Variants in CDC42EP5 observed in about 807,000 individuals in gnomAD.
CDC42EP5 encodes the protein CDC42 effector protein (Rho GTPase binding) 5.
For missense variants in CDC42EP5, 269 were observed against 238.0 expected, an observed-to-expected ratio of 1.13 and a Z score of -0.86; for synonymous variants, 118 against 123.3, an observed-to-expected ratio of 0.96 and a Z score of 0.28.
At position 54,465,354 on chromosome 19, in the gene CDC42EP5, G is replaced by A. The variant is rs1272198294; in HGVS notation, c.194C>T (p.Ala65Val). 13 of 1,156,390 alleles carry A rather than the reference G, an allele frequency of 1.1e-5. No homozygotes were observed. The highest frequency in any genetic ancestry group is 3.5e-4 in the Middle Eastern group (1 of 2,828). 71.6% of individuals were successfully genotyped at this position (1,156,390 alleles called of 1,614,324 possible). ...GPPPEPRAPP[A>V]GAPRSPPPPA... ...CGGCGGCGGGGAGCGCGGGGCCCCCGCGGGGGGCGCCCGGGGCTCGGGGGG... is the reference window on the plus strand; with the variant it reads ...CGGCGGCGGGGAGCGCGGGGCCCCCACGGGGGGCGCCCGGGGCTCGGGGGG... Residue 65 changes from alanine to valine, a missense_variant, in exon 3 of 3, where the codon GCG becomes GTG. Physicochemically the swap from Ala to Val is moderately conservative, Grantham distance 64. Transcript: ENST00000301200.
Position 54,465,561 on chromosome 19 carries a change from G to A in CDC42EP5, c.1-14C>T, listed in dbSNP as rs1452813896. On this transcript the variant is annotated splice_polypyrimidine_tract_variant and intron_variant, in intron 2 of 2. Coordinates refer to ENST00000301200, the MANE Select transcript of CDC42EP5 (RefSeq NM_145057.4). ...CAGCACGGGCATCTGCGAGGGGCAC[G>A]GGAGGGTCAGCGCGGCCCCAGCCCG... 46 of 1,497,300 alleles carry A rather than the reference G, an allele frequency of 3.1e-5. No individual in the cohort carries two copies. The highest frequency in any genetic ancestry group is 3.7e-5 in the Non-Finnish European group (42 of 1,135,734). 92.8% of individuals were successfully genotyped at this position (1,497,300 alleles called of 1,614,324 possible). A position where few individuals can be genotyped will look rare whatever the true frequency, so the allele number is the denominator to read the frequency against.
intron 1 of CDC42EP5, among the ~76,000 whole-genome samples, chr19:54,472,027 C>G (rs543459977): frequency 4.3e-5 from 2 of 46,846 alleles, no homozygotes; most frequent in African/African-American, 1.8e-4. Flanking sequence ...AGGCCCCCAG[C>G]CCCTCCTCCC....
Position 54,465,445 on chromosome 19 carries a change from G to C in CDC42EP5, c.103C>G (p.His35Asp). 6.6e-7 allele frequency: 1 copy of C among 1,511,784 alleles called. No homozygotes were observed. Among genetic ancestry groups the C allele is most frequent in the South Asian group, 1.2e-5 (1 of 81,892 alleles). The allele number at this position is 1,511,784 out of a possible 1,614,324, so 93.6% of individuals were successfully genotyped here. The change falls in exon 3 of 3, where the codon CAC (histidine) becomes GAC (aspartate). Residue 35 changes from histidine (H) to aspartate (D), a missense_variant. Transcript: ENST00000301200. ...AAGGCGTCGCCGCCGCGCCCCACGT[G>C]CAGCGTGTGCCGGAAGTCGCCGAGC... ...APLGDFRHTL[H>D]VGRGGDAFGD...
intron 2 of CDC42EP5, among the ~76,000 whole-genome samples, chr19:54,469,916 G>A (rs1330413039): frequency 2.0e-5 from 3 of 151,502 alleles, no homozygotes; most frequent in African/African-American, 7.3e-5. Flanking sequence ...TGCCCTATCC[G>A]TTGCCACCAC....
intron 2 of CDC42EP5, among the ~76,000 whole-genome samples, chr19:54,466,214 G>A (rs978157059): frequency 1.8e-4 from 27 of 152,068 alleles, no homozygotes; most frequent in East Asian, 1.6e-3. Flanking sequence ...AGGCCGAGGC[G>A]GGCGGATCGC....
At position 54,465,077 on chromosome 19, in the gene CDC42EP5, GA is replaced by G; in HGVS notation, c.*23del. The G allele has an allele frequency of 7.6e-7, 1 of 1,308,300 alleles. No individual in the cohort carries two copies. The allele number at this position is 1,308,300 out of a possible 1,614,324, so 81.0% of individuals were successfully genotyped here. A position where few individuals can be genotyped will look rare whatever the true frequency, so the allele number is the denominator to read the frequency against. On this transcript the variant is annotated 3_prime_UTR_variant, in exon 3 of 3. Coordinates refer to ENST00000301200, the MANE Select transcript of CDC42EP5 (RefSeq NM_145057.4). Reference sequence around the variant, plus strand: ...TATACAGAAGTGGGGTGCCGGGCGGGAAGGGCGCGGGGAATGAGGGAACCTA... The same window carrying G: ...TATACAGAAGTGGGGTGCCGGGCGGGAGGGCGCGGGGAATGAGGGAACCTA...
Position 54,465,326 on chromosome 19 carries a change from GGGC to G in CDC42EP5, c.219_221del (p.Pro74del). ...AGGGCGCTGCGGACTGCGGGACGGC[GGGC>G]GGCGGCGGGGAGCGCGGGGCCCCCG... On this transcript the variant is annotated inframe_deletion, in exon 3 of 3. Coordinates refer to ENST00000301200, the MANE Select transcript of CDC42EP5 (RefSeq NM_145057.4). 1 of 1,189,824 alleles carries G rather than the reference GGGC, an allele frequency of 8.4e-7. No individual in the cohort carries two copies. The highest frequency in any genetic ancestry group is 1.0e-6 in the Non-Finnish European group (1 of 961,346). 73.7% of individuals were successfully genotyped at this position (1,189,824 alleles called of 1,614,324 possible).
Position 54,465,321 on chromosome 19 carries a change from ACGGCGGGCGG to A in CDC42EP5, c.217_226del (p.Pro73SerfsTer67), listed in dbSNP as rs2084733215. ...AGGCGAGGGCGCTGCGGACTGCGGG[ACGGCGGGCGG>A]CGGCGGGGAGCGCGGGGCCCCCGCG... is the stretch of plus-strand genomic sequence containing the variant. On this transcript the variant is annotated frameshift_variant, in exon 3 of 3. Transcript: ENST00000301200. LOFTEE classifies it low-confidence loss of function (END_TRUNC). 8.3e-7 allele frequency: 1 copy of A among 1,200,260 alleles called. No homozygotes were observed. The highest frequency in any genetic ancestry group is 4.1e-5 in the South Asian group (1 of 24,252). 74.4% of individuals were successfully genotyped at this position (1,200,260 alleles called of 1,614,324 possible).
chr19:54,465,212 C>T lies in CDC42EP5; in HGVS notation c.336G>A (p.Pro112=), dbSNP rs1161113759. 2.1e-6 allele frequency: 3 copies of T among 1,439,354 alleles called. No homozygotes were observed. The highest frequency in any genetic ancestry group is 2.7e-6 in the Non-Finnish European group (3 of 1,100,132). 89.2% of individuals were successfully genotyped at this position (1,439,354 alleles called of 1,614,324 possible). A position where few individuals can be genotyped will look rare whatever the true frequency, so the allele number is the denominator to read the frequency against. ...AVLGVMDAAR[P]EAAAAKPDAE... ...CGTCGGGCTTGGCGGCAGCCGCCTC[C>T]GGGCGCGCCGCGTCCATGACGCCCA... The change falls in exon 3 of 3, where the codon CCG becomes CCA. Residue 112 remains proline (P), a synonymous_variant. Coordinates refer to ENST00000301200, the MANE Select transcript of CDC42EP5 (RefSeq NM_145057.4).
intron 2 of CDC42EP5, among the ~76,000 whole-genome samples, chr19:54,469,773 C>T (rs543746031): frequency 2.0e-4 from 30 of 152,270 alleles, no homozygotes; most frequent in South Asian, 8.3e-4. Context: ...GATCACAAAG[C>T]CAGCTCTAGG....
chr19:54,471,594 T>C lies in CDC42EP5; in HGVS notation c.-50A>G, dbSNP rs1449684255. On this transcript the variant is annotated 5_prime_UTR_variant, in exon 2 of 3. Coordinates refer to ENST00000301200, the MANE Select transcript of CDC42EP5 (RefSeq NM_145057.4). Reference sequence around the variant, plus strand: ...GGGCGCGCGCTCACGACTCCAGCTCTAGCCCGGACCCCTGGTTCCCTGGCT... The same window carrying C: ...GGGCGCGCGCTCACGACTCCAGCTCCAGCCCGGACCCCTGGTTCCCTGGCT... 6.6e-6 allele frequency: 1 copy of C among 152,122 alleles called. No homozygotes were observed. The highest frequency in any genetic ancestry group is 2.4e-5 in the African/African-American group (1 of 41,382). 9.4% of individuals were successfully genotyped at this position (152,122 alleles called of 1,614,324 possible). A position where few individuals can be genotyped will look rare whatever the true frequency, so the allele number is the denominator to read the frequency against.
rs184730759 is a variant in CDC42EP5, at chr19:54,467,274, C to T, written c.1-1727G>A. 2.1e-4 allele frequency among the ~76,000 whole-genome samples: 29 copies of T among 134,954 alleles called. No individual in the cohort carries two copies. The East Asian group carries it at 7.7e-3, about 36-fold the overall frequency. The allele number at this position is 134,954 out of a possible 152,430, so 88.5% of individuals were successfully genotyped here. A position where few individuals can be genotyped will look rare whatever the true frequency, so the allele number is the denominator to read the frequency against. On this transcript the variant is annotated intron_variant, in intron 2 of 2. Coordinates refer to ENST00000301200, the MANE Select transcript of CDC42EP5 (RefSeq NM_145057.4). ...GACCAGCCTGACCAACATGGTGAAACTCCATCTCTACTAAAAAAAAAATAC... is the reference window on the plus strand; with the variant it reads ...GACCAGCCTGACCAACATGGTGAAATTCCATCTCTACTAAAAAAAAAATAC...
At position 54,465,302 on chromosome 19, in the gene CDC42EP5, G is replaced by C. The variant is rs2084732427; in HGVS notation, c.246C>G (p.Pro82=). Residue 82 remains proline, a synonymous_variant, in exon 3 of 3, where the codon CCC becomes CCG. Coordinates refer to ENST00000301200, the MANE Select transcript of CDC42EP5 (RefSeq NM_145057.4). ...AGGACAGCAGCGGGTCGGCAGGCGA[G>C]GGCGCTGCGGACTGCGGGACGGCGG... ...PPPAVPQSAA[P]SPADPLLSFH... is the part of the protein sequence containing the mutation. 1.6e-6 allele frequency: 2 copies of C among 1,234,248 alleles called. No homozygotes were observed. The highest frequency in any genetic ancestry group is 2.0e-6 in the Non-Finnish European group (2 of 987,066). 76.5% of individuals were successfully genotyped at this position (1,234,248 alleles called of 1,614,324 possible). A position where few individuals can be genotyped will look rare whatever the true frequency, so the allele number is the denominator to read the frequency against.
intron 2 of CDC42EP5, among the ~76,000 whole-genome samples, chr19:54,468,433 T>G (rs999049598): frequency 1.6e-4 from 25 of 152,132 alleles, no homozygotes; most frequent in Non-Finnish European, 2.8e-4. Flanking sequence ...CTCTGCAGCA[T>G]TTATCAAATT....
At chr19:54,465,589 G>T (rs2084745311) in intron 2 of CDC42EP5, 42 bp from the exon 3 acceptor site, 6 of 1,413,046 alleles carry the variant, frequency 4.2e-6, no homozygotes, top group Non-Finnish European at 5.5e-6. Context: ...CCAGCCCGGG[G>T]CTCGCAGCCA....
chr19:54,470,657 C>T (rs1447487161), intron 2 of CDC42EP5, among the ~76,000 whole-genome samples: 1 of 152,070 alleles, frequency 6.6e-6, no homozygotes, highest in Non-Finnish European at 1.5e-5. Flanking sequence ...TGAGTGCCTC[C>T]CCATGAATGA....
At position 54,465,044 on chromosome 19, in the gene CDC42EP5, C is replaced by T; in HGVS notation, c.*57G>A. The T allele has an allele frequency of 1.6e-6, 2 of 1,252,246 alleles. No individual in the cohort carries two copies. Among genetic ancestry groups the T allele is most frequent in the Non-Finnish European group, 2.0e-6 (2 of 986,370 alleles). 77.6% of individuals were successfully genotyped at this position (1,252,246 alleles called of 1,614,324 possible). ...TCAGAGCCCGGGCACACACCTTGGCCGTTTATGTATACAGAAGTGGGGTGC... is the reference window on the plus strand; with the variant it reads ...TCAGAGCCCGGGCACACACCTTGGCTGTTTATGTATACAGAAGTGGGGTGC... On this transcript the variant is annotated 3_prime_UTR_variant, in exon 3 of 3. Transcript: ENST00000301200.
intron 2 of CDC42EP5, among the ~76,000 whole-genome samples, chr19:54,467,544 T>C (rs888998464): frequency 1.3e-5 from 2 of 151,162 alleles, no homozygotes; most frequent in Non-Finnish European, 2.9e-5. Flanking sequence ...CTAGGTGCTT[T>C]ATTGCCCATA....
Position 54,465,538 on chromosome 19 carries a change from G to A in CDC42EP5, c.10C>T (p.Leu4=), listed in dbSNP as rs2084743605. 2.0e-6 allele frequency: 3 copies of A among 1,533,848 alleles called. No homozygotes were observed. Among genetic ancestry groups the A allele is most frequent in the Admixed American group, 2.0e-5 (1 of 50,432 alleles). The part of the protein sequence containing the change: MPV[L]KQLGPAQPKK... ...GGCTGCGCGGGGCCCAGCTGCTTCA[G>A]CACGGGCATCTGCGAGGGGCACGGG... The change falls in exon 3 of 3, where the codon CTG becomes TTG. Residue 4 remains leucine, a synonymous_variant. Transcript: ENST00000301200.
Sources: allele counts gnomAD v4.1 joint callset (sites outside exome capture counted in the v4.1 genomes callset), GRCh38; gene constraint gnomAD v4.1.1; transcripts MANE v1.5; gene names NCBI Gene and HGNC (gene_info 2026-07-23, HGNC 2026-07-21).